The following TMEM100 variants were observed in gnomAD, a reference collection of about 807,000 sequenced individuals.
The protein encoded by TMEM100 is transmembrane protein 100.
For missense variants in TMEM100, 137 were observed against 168.2 expected, an observed-to-expected ratio of 0.81 and a Z score of 1.02; for synonymous variants, 61 against 67.1, an observed-to-expected ratio of 0.91 and a Z score of 0.44.
upstream of TMEM100, among the ~76,000 whole-genome samples, chr17:55,723,534 C>T (rs1908976310): frequency 6.6e-6 from 1 of 152,120 alleles, no homozygotes. Flanking sequence ...TATAGAGCAC[C>T]TACTGTGGAC....
In TMEM100 at chr17:55,719,676, C is replaced by A. The variant is rs1302962244; in HGVS notation, c.*990G>T. On this transcript the variant is annotated 3_prime_UTR_variant, in exon 2 of 2. Transcript: ENST00000424486. ...TAATAGCACATTATAAAGTTCCTGA[C>A]CAAAGACGTTGATTTCCTAATTATA... 1 of 152,124 alleles carries A rather than the reference C, an allele frequency of 6.6e-6. No individual in the cohort carries two copies. Among genetic ancestry groups the A allele is most frequent in the African/African-American group, 2.4e-5 (1 of 41,416 alleles). The allele number at this position is 152,124 out of a possible 1,614,324, so 9.4% of individuals were successfully genotyped here. A position where few individuals can be genotyped will look rare whatever the true frequency, so the allele number is the denominator to read the frequency against.
intron 1 of TMEM100, among the ~76,000 whole-genome samples, chr17:55,722,280 A>G (rs527579619): frequency 4.6e-5 from 7 of 152,340 alleles, no homozygotes; most frequent in African/African-American, 1.7e-4. Flanking sequence ...AGTTTAAAGA[A>G]AGATACTTGA....
upstream of TMEM100, among the ~76,000 whole-genome samples, chr17:55,725,701 ATGTGTGTGTGTGTGTGTGTGTGTGTG>A (rs57564459): frequency 7.2e-6 from 1 of 139,590 alleles, no homozygotes; most frequent in African/African-American, 2.6e-5. Context: ...ACCCATATAT[ATGTGTGTGTGTGTGTGTGTGTGTGTG>A]TGTGTGTGTG....
chr17:55,731,926 C>G (rs1909215805), exon 1 of TMEM100: 1 of 152,254 alleles, frequency 6.6e-6, no homozygotes, highest in Admixed American at 6.5e-5. Flanking sequence ...TGGAGCCTCA[C>G]CCTGCTGTGA....
At chr17:55,727,633 G>A (rs182928761), upstream of TMEM100, among the ~76,000 whole-genome samples, 8 of 152,224 alleles carry the variant, frequency 5.3e-5, 1 homozygote, top group East Asian at 9.6e-4. Context: ...GCACCCAGTC[G>A]ACTCCTAATC....
At chr17:55,727,076 C>G (rs1909091501), upstream of TMEM100, among the ~76,000 whole-genome samples, 1 of 152,090 alleles carries the variant, frequency 6.6e-6, no homozygotes, top group African/African-American at 2.4e-5. Flanking sequence ...CCATTTTGTT[C>G]TGAGTAACTA....
chr17:55,730,647 G>A (rs539399418), intron 1 of TMEM100, among the ~76,000 whole-genome samples: 108 of 152,194 alleles, frequency 7.1e-4, no homozygotes, highest in Middle Eastern at 3.4e-3. Flanking sequence ...TATATTAATT[G>A]AGGATAGAAC....
At chr17:55,724,772 A>G (rs1397136709), upstream of TMEM100, among the ~76,000 whole-genome samples, 5 of 152,206 alleles carry the variant, frequency 3.3e-5, no homozygotes, top group Non-Finnish European at 7.4e-5. Context: ...ACGTCTAGAG[A>G]GAGGACAATG....
Position 55,721,062 on chromosome 17 carries a change from T to C in TMEM100, c.9A>G (p.Glu3=). 6.2e-7 allele frequency: 1 copy of C among 1,608,658 alleles called. No homozygotes were observed. Among genetic ancestry groups the C allele is most frequent in the Non-Finnish European group, 8.5e-7 (1 of 1,177,410 alleles). MT[E]EPIKEILGAP... is the part of the protein sequence containing the mutation. ...CTCCCAGGATCTCCTTGATGGGCTC[T>C]TCAGTCATTTTTACAACAGTGCTTC... Residue 3 remains glutamate, a synonymous_variant, in exon 2 of 2, where the codon GAA becomes GAG. Transcript: ENST00000424486.
upstream of TMEM100, among the ~76,000 whole-genome samples, chr17:55,727,026 A>G (rs1909090539): frequency 6.6e-6 from 1 of 152,224 alleles, no homozygotes; most frequent in Non-Finnish European, 1.5e-5. Context: ...AGGGAAACAT[A>G]CATCTTTTAG....
upstream of TMEM100, chr17:55,722,987 C>G (rs1908952775): frequency 6.6e-6 from 1 of 151,920 alleles, no homozygotes; most frequent in Non-Finnish European, 1.5e-5. Flanking sequence ...CTTCCCCCAG[C>G]TTTGCTCAGT....
At position 55,720,734 on chromosome 17, in the gene TMEM100, T is replaced by G; in HGVS notation, c.337A>C (p.Ser113Arg). 6.2e-7 allele frequency: 1 copy of G among 1,614,126 alleles called. No homozygotes were observed. Among genetic ancestry groups the G allele is most frequent in the Non-Finnish European group, 8.5e-7 (1 of 1,180,018 alleles). Residue 113 changes from serine to arginine, a missense_variant, in exon 2 of 2, where the codon AGC (serine) becomes CGC (arginine). Transcript: ENST00000424486. The part of the protein sequence containing the change: ...SALCWKVRQR[S>R]KKAKRRESQT... ...CTCTCCCGTCTCTTGGCTTTCTTGC[T>G]CCTTTGTCTCACTTTCCAGCACAAG... is the stretch of plus-strand genomic sequence containing the variant.
chr17:55,728,086 C>T lies in TMEM100; in HGVS notation c.-358-104G>A, dbSNP rs142196062. 190 of 152,276 alleles carry T rather than the reference C, an allele frequency of 1.2e-3. 1 individual carries two copies. The highest frequency in any genetic ancestry group is 3.8e-3 in the African/African-American group (159 of 41,554). 9.4% of individuals were successfully genotyped at this position (152,276 alleles called of 1,614,324 possible). Reference sequence around the variant, plus strand: ...TGGGCTCCTTCCTTCTGAACTGACGCACACAATGTGCTCAGTTTGAAGAGG... The same window carrying T: ...TGGGCTCCTTCCTTCTGAACTGACGTACACAATGTGCTCAGTTTGAAGAGG... On this transcript the variant is annotated intron_variant, in intron 1 of 3. Transcript: ENST00000575734.
At chr17:55,729,054 G>T (rs1408216327) in intron 1 of TMEM100, among the ~76,000 whole-genome samples, 3 of 152,230 alleles carry the variant, frequency 2.0e-5, no homozygotes, top group Non-Finnish European at 4.4e-5. Context: ...TCGCCTCGAT[G>T]GCGAGTTTGG....
intron 1 of TMEM100, among the ~76,000 whole-genome samples, chr17:55,730,720 T>C (rs932334578): frequency 6.6e-6 from 1 of 152,200 alleles, no homozygotes; most frequent in African/African-American, 2.4e-5. Flanking sequence ...ATTCACGATG[T>C]GTGTGGGTAG....
At chr17:55,722,882 T>TCTCTCTTTTTATTCCCTCCCC (rs1908947442), upstream of TMEM100, 1 of 152,164 alleles carries the variant, frequency 6.6e-6, no homozygotes, top group South Asian at 2.1e-4. Context: ...TTTCCCTCCC[T>TCTCTCTTTTTATTCCCTCCCC]CTCTCTTTTT....
At position 55,720,597 on chromosome 17, in the gene TMEM100, TG is replaced by T; in HGVS notation, c.*68del. The T allele has an allele frequency of 6.6e-7, 1 of 1,507,666 alleles. No individual in the cohort carries two copies. The highest frequency in any genetic ancestry group is 8.9e-7 in the Non-Finnish European group (1 of 1,126,034). The allele number at this position is 1,507,666 out of a possible 1,614,324, so 93.4% of individuals were successfully genotyped here. On this transcript the variant is annotated 3_prime_UTR_variant, in exon 2 of 2. Transcript: ENST00000424486. The stretch of plus-strand genomic sequence containing the variant: ...AGTCTGTTCTCTCCCACCATGGTTC[TG>T]GGTGAATTGGGTGACAAAGTCAGAG...
chr17:55,730,067 A>T (rs1053561297), intron 1 of TMEM100, among the ~76,000 whole-genome samples: 7 of 152,126 alleles, frequency 4.6e-5, no homozygotes, highest in African/African-American at 1.7e-4. Flanking sequence ...ATCCAAATCC[A>T]CTACAGATTT....
intron 1 of TMEM100, among the ~76,000 whole-genome samples, chr17:55,728,963 C>T (rs1909137166): frequency 6.6e-6 from 1 of 152,172 alleles, no homozygotes; most frequent in African/African-American, 2.4e-5. Flanking sequence ...CACTGAGTAG[C>T]CTGTTTGGCA....
Sources: gnomAD v4.1 joint callset for allele counts (sites outside exome capture counted in the v4.1 genomes callset) on GRCh38, gnomAD v4.1.1 for gene constraint, MANE v1.5 for transcripts, NCBI Gene and HGNC (gene_info 2026-07-23, HGNC 2026-07-21) for gene names.